The following DGKB variants were observed in gnomAD, a reference collection of about 807,000 sequenced individuals.
The protein encoded by DGKB is diacylglycerol kinase beta.
DGKB carries 67 observed loss-of-function variants against 114.3 expected under a neutral mutation model. That is an observed-to-expected ratio of 0.59 (90% CI 0.48 to 0.72). The LOEUF is 0.72. Ranked by LOEUF, DGKB falls within the 30% of genes least tolerant of loss-of-function variation. DGKB has a pLI of 0.00. For missense variants in DGKB, 907 were observed against 975.2 expected, an observed-to-expected ratio of 0.93 and a Z score of 0.93; for synonymous variants, 398 against 323.1, an observed-to-expected ratio of 1.23 and a Z score of -2.49.
At chr7:14,665,932 C>T (rs917847691) in intron 13 of DGKB, among the ~76,000 whole-genome samples, 4 of 151,890 alleles carry the variant, frequency 2.6e-5, no homozygotes, top group African/African-American at 7.2e-5. Flanking sequence ...TTTCTGTGAC[C>T]TCACAAATTT....
intron 17 of DGKB, among the ~76,000 whole-genome samples, chr7:14,605,484 C>CCACAATAA (rs1477444932): frequency 4.0e-5 from 6 of 150,944 alleles, no homozygotes; most frequent in Non-Finnish European, 8.9e-5. Context: ...CAGCAAACAA[C>CCACAATAA]CACAATAATA....
intron 1 of DGKB, among the ~76,000 whole-genome samples, chr7:14,902,058 G>C (rs1442007284): frequency 6.6e-6 from 1 of 152,122 alleles, no homozygotes; most frequent in Non-Finnish European, 1.5e-5. Flanking sequence ...CATATCATCA[G>C]TGTGGCCTAG....
intron 1 of DGKB, among the ~76,000 whole-genome samples, chr7:14,898,043 T>C (rs2128234192): frequency 6.6e-6 from 1 of 152,082 alleles, no homozygotes; most frequent in Middle Eastern, 3.4e-3. Flanking sequence ...CTGTGGCATA[T>C]TCAATAATAA....
intron 21 of DGKB, among the ~76,000 whole-genome samples, chr7:14,467,427 T>C (rs1419947193): frequency 6.6e-6 from 1 of 150,848 alleles, no homozygotes; most frequent in African/African-American, 2.4e-5. Flanking sequence ...TTAATAAAAA[T>C]AAAATATAAA....
At chr7:14,887,350 G>A (rs552180746) in intron 1 of DGKB, among the ~76,000 whole-genome samples, 8 of 151,816 alleles carry the variant, frequency 5.3e-5, no homozygotes, top group South Asian at 2.1e-4. Context: ...GAGGCAGTGC[G>A]TTCTCTTGGC....
intron 17 of DGKB, among the ~76,000 whole-genome samples, chr7:14,593,483 C>A (rs761404360): frequency 5.1e-4 from 78 of 151,954 alleles, no homozygotes; most frequent in Middle Eastern, 3.4e-3. Flanking sequence ...AATGTCATTT[C>A]TGAGTGAATA....
At chr7:14,451,541 A>ATCTC (rs764731256) in intron 21 of DGKB, among the ~76,000 whole-genome samples, 3 of 99,208 alleles carry the variant, frequency 3.0e-5, no homozygotes, top group South Asian at 7.1e-4. Context: ...AAATCTCTCT[A>ATCTC]TCTGTCTCTC....
At chr7:14,169,359 C>T (rs868492058) in intron 25 of DGKB, among the ~76,000 whole-genome samples, 66 of 108,920 alleles carry the variant, frequency 6.1e-4, no homozygotes, top group African/African-American at 1.7e-3. Context: ...AGCGAGACTC[C>T]GTCTCAAAAA....
chr7:14,881,201 G>T (rs1587144407), intron 1 of DGKB, among the ~76,000 whole-genome samples: 1 of 152,034 alleles, frequency 6.6e-6, no homozygotes, highest in Non-Finnish European at 1.5e-5. Flanking sequence ...GTTGTTGTTG[G>T]TATTGTGATC....
intron 21 of DGKB, among the ~76,000 whole-genome samples, chr7:14,467,201 GT>G (rs1419288079): frequency 6.7e-6 from 1 of 148,778 alleles, no homozygotes; most frequent in Non-Finnish European, 1.5e-5. Flanking sequence ...ATTACTTACT[GT>G]TTTTAAATAT....
chr7:14,219,865 T>C (rs1789634559), intron 23 of DGKB, among the ~76,000 whole-genome samples: 1 of 151,730 alleles, frequency 6.6e-6, no homozygotes. Flanking sequence ...TTTATGAAGA[T>C]TTACCCTTGT....
Position 14,603,301 on chromosome 7 carries a change from C to T in DGKB, c.1433+4133G>A, listed in dbSNP as rs183923136. Among the ~76,000 whole-genome samples the T allele has an allele frequency of 2.8e-3, 422 of 152,178 alleles. 1 individual carries two copies. Among genetic ancestry groups the T allele is most frequent in the South Asian group, 6.4e-3 (31 of 4,828 alleles). ...GAGAAGGATAGAGTTGAGTGCTTCA[C>T]TTTTATATTAGTAAAGAAAATTTTT... On this transcript the variant is annotated intron_variant, in intron 17 of 25. Transcript: ENST00000402815.
At chr7:14,350,630 T>C (rs989548917) in intron 21 of DGKB, among the ~76,000 whole-genome samples, 6 of 151,684 alleles carry the variant, frequency 4.0e-5, no homozygotes, top group African/African-American at 1.5e-4. Context: ...ATTTGTTTTA[T>C]TATTTTTCAT....
At chr7:14,299,692 G>A (rs1803173980) in intron 23 of DGKB, among the ~76,000 whole-genome samples, 1 of 152,038 alleles carries the variant, frequency 6.6e-6, no homozygotes, top group Admixed American at 6.6e-5. Context: ...AGGGTATGAG[G>A]GGAAGAGGTT....
intron 2 of DGKB, among the ~76,000 whole-genome samples, chr7:14,823,604 T>C (rs1845250543): frequency 1.3e-5 from 2 of 152,156 alleles, no homozygotes; most frequent in African/African-American, 4.8e-5. Flanking sequence ...CATCATTATT[T>C]TTGACACTGG....
intron 4 of DGKB, among the ~76,000 whole-genome samples, chr7:14,753,621 A>G (rs1437496985): frequency 6.6e-6 from 1 of 152,214 alleles, no homozygotes; most frequent in Non-Finnish European, 1.5e-5. Flanking sequence ...ATATAATAGC[A>G]CAGCCTTATA....
chr7:14,276,135 C>T (rs919919812), intron 23 of DGKB, among the ~76,000 whole-genome samples: 1 of 152,148 alleles, frequency 6.6e-6, no homozygotes, highest in Non-Finnish European at 1.5e-5. Flanking sequence ...CAACTTAGCA[C>T]AGTTCCATGT....
At chr7:14,637,158 T>C (rs1308297784) in intron 13 of DGKB, among the ~76,000 whole-genome samples, 1 of 151,890 alleles carries the variant, frequency 6.6e-6, no homozygotes, top group Non-Finnish European at 1.5e-5. Context: ...AAATAACCCG[T>C]GTACAAAGGA....
At chr7:14,231,127 C>CTTTCTTT (rs1554297194) in intron 23 of DGKB, among the ~76,000 whole-genome samples, 36 of 125,184 alleles carry the variant, frequency 2.9e-4, no homozygotes, top group Non-Finnish European at 5.3e-4. Flanking sequence ...TTCTTTCTTT[C>CTTTCTTT]TTTCTTTCTT....
Sources: gnomAD v4.1 joint callset for allele counts (sites outside exome capture counted in the v4.1 genomes callset) on GRCh38, gnomAD v4.1.1 for gene constraint, MANE v1.5 for transcripts, NCBI Gene and HGNC (gene_info 2026-07-23, HGNC 2026-07-21) for gene names.